Variants in SNRNP70 observed in about 807,000 individuals in gnomAD.
SNRNP70 encodes the protein small nuclear ribonucleoprotein U1 subunit 70.
Under a neutral mutation model 50.5 loss-of-function variants are expected in SNRNP70, and 8 were observed. The ratio of observed to expected loss-of-function variants is 0.16; its 90% confidence interval spans 0.09 to 0.29. SNRNP70 has a LOEUF of 0.29. Ranked by LOEUF, SNRNP70 falls within the 10% of genes least tolerant of loss-of-function variation. The pLI, the probability that SNRNP70 is intolerant of heterozygous loss-of-function variation, is 1.00. For missense variants in SNRNP70, 529 were observed against 663.5 expected, an observed-to-expected ratio of 0.80 and a Z score of 2.23; for synonymous variants, 320 against 252.9, an observed-to-expected ratio of 1.27 and a Z score of -2.52.
In SNRNP70 at chr19:49,089,059, T is replaced by C. The variant is rs183765364; in HGVS notation, c.148-1232T>C. Among the ~76,000 whole-genome samples the C allele has an allele frequency of 1.9e-3, 285 of 152,302 alleles. 1 individual carries two copies. The highest frequency in any genetic ancestry group is 5.3e-3 in the African/African-American group (219 of 41,558). On this transcript the variant is annotated intron_variant, in intron 2 of 9. Transcript: ENST00000598441. ...TATGGAAGACAGGGTGTTTCCTAAA[T>C]ACTATAAAGCTAGATGTCACCTGTA...
Position 49,094,227 on chromosome 19 carries a change from G to A in SNRNP70, c.265+3707G>A, listed in dbSNP as rs539613653. Among the ~76,000 whole-genome samples the A allele has an allele frequency of 2.6e-5, 4 of 151,868 alleles. No homozygotes were observed. The East Asian group carries it at 5.9e-4, about 22-fold the overall frequency. The stretch of plus-strand genomic sequence containing the variant: ...GAATTTCATTTAAAATAATCCAGCC[G>A]GTCGTGGTGGTTCACGCCTGTAATC... On this transcript the variant is annotated intron_variant, in intron 4 of 9. Transcript: ENST00000598441.
intron 4 of SNRNP70, 101 bp downstream of exon 4, chr19:49,090,621 G>A: frequency 1.8e-6 from 2 of 1,108,532 alleles, no homozygotes; most frequent in Non-Finnish European, 2.7e-6. Flanking sequence ...GGCCTGTGTT[G>A]TGGGGAACAG....
Position 49,108,436 on chromosome 19 carries a change from C to T in SNRNP70, c.1307C>T (p.Pro436Leu), listed in dbSNP as rs758912788. The change falls in exon 10 of 10, where the codon CCG becomes CTG. Residue 436 changes from proline to leucine, a missense_variant. By Grantham distance (98) the Pro-to-Leu change is moderately conservative. Around this residue, in one of 4 missense-constraint regions of SNRNP70, gnomAD observed 327 missense variants for 308.8 expected, o/e 1.06. Transcript: ENST00000598441. ...PENGYLMEAA[P>L]E Reference sequence around the variant, plus strand: ...AATGGGTATTTGATGGAGGCTGCGCCGGAGTGAAGAGGTCGTCCTCTCCAT... The same window carrying T: ...AATGGGTATTTGATGGAGGCTGCGCTGGAGTGAAGAGGTCGTCCTCTCCAT... The T allele has an allele frequency of 2.1e-5, 33 of 1,600,886 alleles. No individual in the cohort carries two copies. The highest frequency in any genetic ancestry group is 6.0e-6 in the Non-Finnish European group (7 of 1,174,388).
chr19:49,101,342 G>A lies in SNRNP70; in HGVS notation c.394-48G>A, dbSNP rs759736823. ...CAGGCTGTTGTGGGGTTGGTGGGGC[G>A]GAGCCGCCCTGTGGCAGGACTCACC... On this transcript the variant is annotated intron_variant, in intron 6 of 9. Transcript: ENST00000598441. The A allele has an allele frequency of 2.0e-5, 29 of 1,476,460 alleles. No individual in the cohort carries two copies. The Admixed American group carries it at 3.2e-4, about 16-fold the overall frequency. The allele number at this position is 1,476,460 out of a possible 1,614,324, so 91.5% of individuals were successfully genotyped here.
In SNRNP70 at chr19:49,104,568, G is replaced by C. The variant is rs186063507; in HGVS notation, c.476-66G>C. The C allele has an allele frequency of 1.7e-6, 2 of 1,210,426 alleles. No individual in the cohort carries two copies. The highest frequency in any genetic ancestry group is 4.0e-5 in the Admixed American group (2 of 50,494). The allele number at this position is 1,210,426 out of a possible 1,614,324, so 75.0% of individuals were successfully genotyped here. On this transcript the variant is annotated intron_variant, in intron 7 of 9. Coordinates refer to ENST00000598441, the MANE Select transcript of SNRNP70 (RefSeq NM_003089.6). This position sits in a 1 kb window ranked among gnomAD's most constrained non-coding sequence, Gnocchi z 5.4. Reference sequence around the variant, plus strand: ...ACGGGGCGGGGATTCTGTAGAGCTGGGCCTGTCCTGACTAGAGGACCCTCT... The same window carrying C: ...ACGGGGCGGGGATTCTGTAGAGCTGCGCCTGTCCTGACTAGAGGACCCTCT...
chr19:49,087,924 C>T (rs572614274), intron 2 of SNRNP70: 2 of 152,240 alleles, frequency 1.3e-5, no homozygotes, highest in Non-Finnish European at 2.9e-5. Flanking sequence ...ATTTATGAGA[C>T]AGTTTTGCTC....
Position 49,104,665 on chromosome 19 carries a change from T to C in SNRNP70, c.507T>C (p.Ile169=). ...SAYKHADGKK[I]DGRRVLVDVE... is the part of the protein sequence containing the mutation. The stretch of plus-strand genomic sequence containing the variant: ...ACAAACACGCAGATGGCAAGAAGAT[T>C]GATGGCAGGAGGGTCCTTGTGGACG... The change falls in exon 8 of 10, where the codon ATT becomes ATC. Residue 169 remains isoleucine, a synonymous_variant. Coordinates refer to ENST00000598441, the MANE Select transcript of SNRNP70 (RefSeq NM_003089.6). This position sits in a 1 kb window ranked among gnomAD's most constrained non-coding sequence, Gnocchi z 5.4. 1 of 1,560,714 alleles carries C rather than the reference T, an allele frequency of 6.4e-7. No homozygotes were observed. Among genetic ancestry groups the C allele is most frequent in the Non-Finnish European group, 8.7e-7 (1 of 1,152,030 alleles).
intron 7 of SNRNP70, chr19:49,103,015 C>T (rs2040610062): frequency 6.6e-6 from 1 of 152,522 alleles, no homozygotes; most frequent in Non-Finnish European, 1.5e-5. Flanking sequence ...CCAAGCGGCC[C>T]CTCCTCAGAG....
chr19:49,108,204 C>G lies in SNRNP70; in HGVS notation c.1075C>G (p.Arg359Gly). The G allele has an allele frequency of 6.5e-7, 1 of 1,532,648 alleles. No individual in the cohort carries two copies. Among genetic ancestry groups the G allele is most frequent in the South Asian group, 1.2e-5 (1 of 81,424 alleles). 94.9% of individuals were successfully genotyped at this position (1,532,648 alleles called of 1,614,324 possible). A position where few individuals can be genotyped will look rare whatever the true frequency, so the allele number is the denominator to read the frequency against. ...DRDRERRRSH[R>G]SERERRRDRD... The stretch of plus-strand genomic sequence containing the variant: ...TGACCGGGAGCGACGGCGGAGCCAC[C>G]GGAGCGAGCGCGAGCGGCGCCGGGA... Residue 359 changes from arginine (R) to glycine (G), a missense_variant, in exon 10 of 10, where the codon CGG becomes GGG. Coordinates refer to ENST00000598441, the MANE Select transcript of SNRNP70 (RefSeq NM_003089.6).
intron 4 of SNRNP70, among the ~76,000 whole-genome samples, chr19:49,097,550 C>G (rs913960014): frequency 1.5e-4 from 23 of 152,140 alleles, no homozygotes; most frequent in African/African-American, 5.6e-4. Context: ...TAATGTTATT[C>G]CTTTTCTCAT....
intron 4 of SNRNP70, among the ~76,000 whole-genome samples, chr19:49,092,598 G>A (rs995520082): frequency 4.1e-4 from 63 of 151,898 alleles, no homozygotes; most frequent in Non-Finnish European, 1.5e-4. Flanking sequence ...TAGTAGAGAT[G>A]GGGTTTCACC....
chr19:49,086,830 A>G (rs1346287998), intron 2 of SNRNP70, among the ~76,000 whole-genome samples: 1 of 151,906 alleles, frequency 6.6e-6, no homozygotes, highest in Non-Finnish European at 1.5e-5. Context: ...TGATTGTGCC[A>G]CTATACTCCG....
At chr19:49,098,194 C>T (rs894867704) in intron 4 of SNRNP70, among the ~76,000 whole-genome samples, 1 of 152,194 alleles carries the variant, frequency 6.6e-6, no homozygotes, top group African/African-American at 2.4e-5. Flanking sequence ...CTTACCTCCT[C>T]TCCTCAGCAG....
intron 7 of SNRNP70, chr19:49,102,358 C>A: frequency 6.0e-6 from 2 of 333,916 alleles, no homozygotes; most frequent in Admixed American, 3.6e-5. Context: ...GATCCGTATG[C>A]TCTCTGAGAA....
chr19:49,089,098 A>G lies in SNRNP70; in HGVS notation c.148-1193A>G, dbSNP rs539801923. On this transcript the variant is annotated intron_variant, in intron 2 of 9. Transcript: ENST00000598441. ...ATGTCACCTGTACCAGTGCTTTTCA[A>G]ACTGTCTTTGGTGAAGGACAGATAC... 2.6e-5 allele frequency among the ~76,000 whole-genome samples: 4 copies of G among 152,332 alleles called. No homozygotes were observed. The South Asian group carries it at 8.3e-4, about 32-fold the overall frequency.
chr19:49,085,580 CT>C lies in SNRNP70; in HGVS notation c.-66del. On this transcript the variant is annotated 5_prime_UTR_variant, in exon 1 of 10. Transcript: ENST00000598441. ...AGCAGGAGTTGTTGTTGCTGAGGGG[CT>C]GCCGCAGCCGCCGCGAGCCTCCGGA... The C allele has an allele frequency of 2.2e-6, 1 of 456,072 alleles. No individual in the cohort carries two copies. The highest frequency in any genetic ancestry group is 4.4e-6 in the Non-Finnish European group (1 of 226,782). 28.3% of individuals were successfully genotyped at this position (456,072 alleles called of 1,614,324 possible). A position where few individuals can be genotyped will look rare whatever the true frequency, so the allele number is the denominator to read the frequency against.
In SNRNP70 at chr19:49,108,424, T is replaced by G; in HGVS notation, c.1295T>G (p.Met432Arg). The G allele has an allele frequency of 6.2e-7, 1 of 1,607,462 alleles. No homozygotes were observed. The highest frequency in any genetic ancestry group is 8.5e-7 in the Non-Finnish European group (1 of 1,177,198). Residue 432 changes from methionine to arginine, a missense_variant, in exon 10 of 10, where the codon ATG becomes AGG. Physicochemically the swap from Met to Arg is moderately conservative, Grantham distance 91. Transcript: ENST00000598441. ...CTGGCTCCGGAGAATGGGTATTTGA[T>G]GGAGGCTGCGCCGGAGTGAAGAGGT... Reference protein sequence around the residue: ...GYLAPENGYLMEAAPE With the variant: ...GYLAPENGYLREAAPE
chr19:49,104,725 C>T lies in SNRNP70; in HGVS notation c.567C>T (p.Pro189=). The T allele has an allele frequency of 1.3e-6, 2 of 1,546,466 alleles. No homozygotes were observed. Among genetic ancestry groups the T allele is most frequent in the Admixed American group, 2.0e-5 (1 of 50,456 alleles). Residue 189 remains proline (P), a synonymous_variant, in exon 8 of 10, where the codon CCC becomes CCT. Transcript: ENST00000598441. The surrounding 1 kb of genome is among the most constrained non-coding windows in gnomAD (Gnocchi z 5.4). ...GCCGAACCGTGAAGGGCTGGAGGCC[C>T]CGGCGGCTAGGTGAGCACATCCTGC... The part of the protein sequence containing the change: ...ERGRTVKGWR[P]RRLGGGLGGT...
chr19:49,105,379 G>A (rs2040652866), intron 8 of SNRNP70, among the ~76,000 whole-genome samples: 1 of 152,132 alleles, frequency 6.6e-6, no homozygotes, highest in South Asian at 2.1e-4. Context: ...ATCCTTTGGA[G>A]TTCGGAGGTA....
Sources: allele counts gnomAD v4.1 joint callset (sites outside exome capture counted in the v4.1 genomes callset), GRCh38; gene constraint gnomAD v4.1.1; regional missense constraint gnomAD v4.1.1; non-coding constraint Gnocchi (gnomAD v3.1); transcripts MANE v1.5; gene names NCBI Gene and HGNC (gene_info 2026-07-23, HGNC 2026-07-21).